Variants in CCDC68 observed in about 807,000 individuals in gnomAD.
CCDC68 encodes coiled-coil domain containing 68.
In CCDC68, 45 loss-of-function variants were observed where a neutral mutation model predicts 47.1. The ratio of observed to expected loss-of-function variants is 0.96; its 90% CI spans 0.75 to 1.23. CCDC68 has a LOEUF of 1.23. Among genes scored for constraint, CCDC68 ranks in the 50% most tolerant of loss-of-function variants. The pLI is 0.00. For missense variants in CCDC68, 353 were observed against 373.6 expected (o/e 0.94, Z 0.45); for synonymous variants, 131 against 129.5 (o/e 1.01, Z -0.08).
At chr18:54,908,488 G>A (rs1044956126) in intron 10 of CCDC68, among the ~76,000 whole-genome samples, 1 of 152,174 alleles carries the variant, frequency 6.6e-6, no homozygotes, top group Non-Finnish European at 1.5e-5. Context: ...CTAAGAACAG[G>A]AGTGGTTAGA....
chr18:54,910,440 G>A (rs1009543247), intron 10 of CCDC68, among the ~76,000 whole-genome samples: 1 of 152,220 alleles, frequency 6.6e-6, no homozygotes, highest in South Asian at 2.1e-4. Flanking sequence ...TGGCCTCAGA[G>A]GGGAAGGAAG....
At chr18:54,943,309 A>G (rs146696640) in intron 2 of CCDC68, among the ~76,000 whole-genome samples, 82 of 152,306 alleles carry the variant, frequency 5.4e-4, no homozygotes, top group African/African-American at 1.9e-3. Flanking sequence ...ATAAACTATC[A>G]ACTGCTATGG....
intron 8 of CCDC68, among the ~76,000 whole-genome samples, chr18:54,927,077 G>A (rs1180789679): frequency 6.6e-6 from 1 of 152,048 alleles, no homozygotes; most frequent in Non-Finnish European, 1.5e-5. Flanking sequence ...CTTTTTTGTA[G>A]TAGCTTAATC....
At chr18:54,913,767 C>T (rs1366490069) in intron 10 of CCDC68, among the ~76,000 whole-genome samples, 1 of 152,124 alleles carries the variant, frequency 6.6e-6, no homozygotes, top group Non-Finnish European at 1.5e-5. Flanking sequence ...GAGCCATGAT[C>T]ATGCCACGGC....
At chr18:54,947,443 G>T (rs542249797) in intron 1 of CCDC68, among the ~76,000 whole-genome samples, 1 of 152,296 alleles carries the variant, frequency 6.6e-6, no homozygotes, top group African/African-American at 2.4e-5. Context: ...AAGAAAGAAG[G>T]TTCCACAGCT....
rs750083294 is a variant in CCDC68, at chr18:54,937,947, A to G, written c.345+10T>C. 1 of 1,606,514 alleles carries G rather than the reference A, an allele frequency of 6.2e-7. No individual in the cohort carries two copies. Among genetic ancestry groups the G allele is most frequent in the Non-Finnish European group, 8.5e-7 (1 of 1,177,356 alleles). ...CAAAACACAAAATTTGAAACTTCTA[A>G]AAGTCATACCTTGATTTTCAATACT... On this transcript the variant is annotated intron_variant, in intron 5 of 11. Coordinates refer to ENST00000591504, the MANE Select transcript of CCDC68 (RefSeq NM_025214.3).
chr18:54,949,296 C>T (rs974616094), intron 1 of CCDC68, among the ~76,000 whole-genome samples: 1 of 152,184 alleles, frequency 6.6e-6, no homozygotes. Flanking sequence ...GCACCCGGTC[C>T]CTAGAGCAGT....
chr18:54,916,614 C>T (rs1486120865), intron 10 of CCDC68, among the ~76,000 whole-genome samples: 1 of 152,084 alleles, frequency 6.6e-6, no homozygotes, highest in African/African-American at 2.4e-5. Context: ...GAAGCAGAGA[C>T]ACGGCAAGAA....
At chr18:54,938,444 T>C (rs551395860) in intron 4 of CCDC68, among the ~76,000 whole-genome samples, 106 of 152,364 alleles carry the variant, frequency 7.0e-4, no homozygotes, top group African/African-American at 2.5e-3. Flanking sequence ...TACATTTTGG[T>C]CACATTGCAT....
chr18:54,954,657 A>G (rs2044681785), intron 1 of CCDC68: 1 of 152,226 alleles, frequency 6.6e-6, no homozygotes, highest in Non-Finnish European at 1.5e-5. Context: ...GAGTATATGA[A>G]AGTGAGAATG....
At chr18:54,935,265 T>C (rs759720257) in intron 6 of CCDC68, among the ~76,000 whole-genome samples, 1 of 152,188 alleles carries the variant, frequency 6.6e-6, no homozygotes, top group African/African-American at 2.4e-5. Context: ...TTCTCAACAA[T>C]TATTATCCAG....
chr18:54,913,744 T>C (rs143140359), intron 10 of CCDC68, among the ~76,000 whole-genome samples: 2,447 of 152,036 alleles, frequency 0.016, 48 homozygotes, highest in South Asian at 0.071. Flanking sequence ...GCCTGGGAGG[T>C]TGAGGCTGCA....
intron 10 of CCDC68, among the ~76,000 whole-genome samples, chr18:54,911,823 A>G (rs1303555671): frequency 6.6e-6 from 1 of 152,216 alleles, no homozygotes; most frequent in Admixed American, 6.5e-5. Context: ...CCAATTCAGT[A>G]CCAAACAATA....
intron 10 of CCDC68, among the ~76,000 whole-genome samples, chr18:54,916,247 C>T (rs182619590): frequency 3.8e-4 from 58 of 152,086 alleles, no homozygotes; most frequent in African/African-American, 1.4e-3. Context: ...CTGAAGAGGG[C>T]GAGAGTCTAA....
At chr18:54,942,835 C>T (rs756208874) in intron 2 of CCDC68, 32 bp from the exon 3 acceptor site, 1 of 1,189,440 alleles carries the variant, frequency 8.4e-7, no homozygotes, top group Non-Finnish European at 1.3e-6. Flanking sequence ...CTAAGCAAAA[C>T]AGACTGTTTT....
At chr18:54,915,894 G>A (rs535768309) in intron 10 of CCDC68, among the ~76,000 whole-genome samples, 31 of 152,098 alleles carry the variant, frequency 2.0e-4, no homozygotes, top group African/African-American at 6.7e-4. Flanking sequence ...ATGCCACTGC[G>A]CTCCAGCCTA....
intron 7 of CCDC68, among the ~76,000 whole-genome samples, chr18:54,932,679 A>T (rs901190216): frequency 6.6e-6 from 1 of 152,110 alleles, no homozygotes; most frequent in Non-Finnish European, 1.5e-5. Context: ...TCTCCTGGAG[A>T]CAGCCCACTG....
chr18:54,924,739 C>T (rs1221114619), intron 8 of CCDC68, among the ~76,000 whole-genome samples: 1 of 152,208 alleles, frequency 6.6e-6, no homozygotes, highest in African/African-American at 2.4e-5. Context: ...TCTCTACTCC[C>T]CAACGTCTCC....
At chr18:54,931,068 C>A (rs1201586908) in intron 7 of CCDC68, among the ~76,000 whole-genome samples, 3 of 151,968 alleles carry the variant, frequency 2.0e-5, no homozygotes, top group African/African-American at 7.3e-5. Flanking sequence ...TCAAAAAAAA[C>A]ACACCACAGA....
Sources: allele counts gnomAD v4.1 joint callset (sites outside exome capture counted in the v4.1 genomes callset), GRCh38; gene constraint gnomAD v4.1.1; transcripts MANE v1.5; gene names NCBI Gene and HGNC (gene_info 2026-07-23, HGNC 2026-07-21).